The following PKHD1 variants were observed in gnomAD, a reference collection of about 807,000 sequenced individuals.
PKHD1 encodes the protein PKHD1 ciliary IPT domain containing fibrocystin/polyductin.
Under a neutral mutation model 412.0 loss-of-function variants are expected in PKHD1, and 291 were observed. The observed-to-expected ratio is 0.71, with a 90% CI of 0.64 to 0.78. The LOEUF (loss-of-function observed/expected upper bound fraction) is 0.78. PKHD1 is among the 30% of genes least tolerant of loss of function. The probability of loss-of-function intolerance (pLI) is 0.00; values close to 1 mark genes in which losing one functional copy is unlikely to be tolerated. For synonymous variants in PKHD1, 1,777 were observed against 1,821.5 expected, an observed-to-expected ratio of 0.98 and a Z score of 0.62; for missense variants, 4,825 against 4,950.7, an observed-to-expected ratio of 0.97 and a Z score of 0.76.
intron 53 of PKHD1, among the ~76,000 whole-genome samples, chr6:51,780,067 T>C (rs1057154800): frequency 1.3e-5 from 2 of 152,094 alleles, no homozygotes; most frequent in Admixed American, 6.6e-5. Context: ...TAAAGATCTT[T>C]CCAATTATCA....
At chr6:51,983,876 GA>G (rs1274055942) in intron 35 of PKHD1, among the ~76,000 whole-genome samples, 1 of 152,244 alleles carries the variant, frequency 6.6e-6, no homozygotes, top group Non-Finnish European at 1.5e-5. Context: ...CAGCTTTCAA[GA>G]GAAAGTGTTT....
At chr6:51,790,699 A>G (rs897541631) in intron 53 of PKHD1, among the ~76,000 whole-genome samples, 1 of 152,104 alleles carries the variant, frequency 6.6e-6, no homozygotes, top group Non-Finnish European at 1.5e-5. Flanking sequence ...GCTACCTTGT[A>G]TTTGCTTTCC....
chr6:51,664,878 T>G (rs965592492), intron 60 of PKHD1, among the ~76,000 whole-genome samples: 6 of 152,156 alleles, frequency 3.9e-5, no homozygotes, highest in Non-Finnish European at 5.9e-5. Flanking sequence ...CATATCTGGT[T>G]GGAGATTTAC....
chr6:51,907,954 G>A (rs1049135355), intron 40 of PKHD1, among the ~76,000 whole-genome samples: 1 of 152,106 alleles, frequency 6.6e-6, no homozygotes, highest in Admixed American at 6.6e-5. Flanking sequence ...TTGAAACAGA[G>A]GTGGGAGAGA....
intron 61 of PKHD1, among the ~76,000 whole-genome samples, chr6:51,650,605 G>C (rs931279052): frequency 1.3e-5 from 2 of 152,106 alleles, no homozygotes; most frequent in Admixed American, 6.6e-5. Context: ...GTGAAGATTT[G>C]TTCTGAAAGA....
At chr6:51,741,262 G>T in intron 60 of PKHD1, 1 of 510,056 alleles carries the variant, frequency 2.0e-6, no homozygotes, top group Non-Finnish European at 3.9e-6. Context: ...TATTTGTAAG[G>T]GATGCTTTTG....
intron 43 of PKHD1, among the ~76,000 whole-genome samples, chr6:51,899,380 G>C (rs1364727966): frequency 6.6e-4 from 101 of 152,096 alleles, no homozygotes; most frequent in African/African-American, 2.2e-3. Context: ...ATCAATAAAT[G>C]TAATCCAGCA....
chr6:51,757,514 T>C (rs1787215513), intron 55 of PKHD1, among the ~76,000 whole-genome samples: 1 of 152,094 alleles, frequency 6.6e-6, no homozygotes, highest in South Asian at 2.1e-4. Flanking sequence ...CTGACACAAG[T>C]CACTACGGTC....
intron 60 of PKHD1, chr6:51,682,244 C>A: frequency 2.2e-6 from 1 of 455,068 alleles, no homozygotes. Flanking sequence ...CCCAGGAGAC[C>A]TAGGATGAAA....
chr6:52,034,176 G>C, intron 28 of PKHD1, among the ~76,000 whole-genome samples: 1 of 64,400 alleles, frequency 1.6e-5, no homozygotes. Context: ...AGGAACTCTA[G>C]GGGAAAAAAA....
chr6:51,756,340 C>A (rs1254713869), intron 55 of PKHD1, among the ~76,000 whole-genome samples: 1 of 152,122 alleles, frequency 6.6e-6, no homozygotes, highest in Non-Finnish European at 1.5e-5. Flanking sequence ...TAGATAAATA[C>A]ATGGAGCCAG....
intron 35 of PKHD1, among the ~76,000 whole-genome samples, chr6:52,006,353 T>G (rs28660206): frequency 5.7e-4 from 80 of 139,412 alleles, no homozygotes; most frequent in East Asian, 1.0e-3. Flanking sequence ...TGGTTTGTTT[T>G]TTGTTGTTGT....
intron 43 of PKHD1, among the ~76,000 whole-genome samples, chr6:51,891,067 T>G (rs1779032790): frequency 6.6e-6 from 1 of 152,188 alleles, no homozygotes; most frequent in South Asian, 2.1e-4. Context: ...TTCACACAGC[T>G]CAGGGAGTTT....
intron 37 of PKHD1, among the ~76,000 whole-genome samples, chr6:51,926,801 T>G (rs558735803): frequency 2.0e-5 from 3 of 152,284 alleles, no homozygotes; most frequent in Non-Finnish European, 2.9e-5. Flanking sequence ...TAGACTTTTT[T>G]GAAGTATTGT....
intron 61 of PKHD1, among the ~76,000 whole-genome samples, chr6:51,653,081 A>G (rs1771218258): frequency 6.6e-6 from 1 of 152,180 alleles, no homozygotes; most frequent in Non-Finnish European, 1.5e-5. Flanking sequence ...ATATTTCTAT[A>G]TAGTTAACAA....
intron 60 of PKHD1, among the ~76,000 whole-genome samples, chr6:51,740,234 C>A (rs903451545): frequency 6.6e-6 from 1 of 152,164 alleles, no homozygotes; most frequent in Admixed American, 6.5e-5. Context: ...GGCTACACAT[C>A]CTGCATTACA....
At chr6:51,793,121 C>T (rs533939281) in intron 52 of PKHD1, among the ~76,000 whole-genome samples, 2 of 152,268 alleles carry the variant, frequency 1.3e-5, no homozygotes, top group African/African-American at 4.8e-5. Context: ...AATTCAAGAG[C>T]TCATTGATGA....
rs1468137283 is a variant in PKHD1, at chr6:51,721,717, T to C, written c.10156+22668A>G. On this transcript the variant is annotated intron_variant, in intron 60 of 66. Transcript: ENST00000371117. ...GATATCCTGACTACGGACAATGGTG[T>C]CACTGTTGACACCCTCTCCACAGTC... 7 of 1,334,902 alleles carry C rather than the reference T, an allele frequency of 5.2e-6. No individual in the cohort carries two copies. The African/African-American group carries it at 1.0e-4, about 20-fold the overall frequency. 82.7% of individuals were successfully genotyped at this position (1,334,902 alleles called of 1,614,324 possible). A position where few individuals can be genotyped will look rare whatever the true frequency, so the allele number is the denominator to read the frequency against.
intron 60 of PKHD1, among the ~76,000 whole-genome samples, chr6:51,706,549 A>G (rs1780043155): frequency 1.3e-5 from 2 of 151,792 alleles, no homozygotes; most frequent in South Asian, 4.2e-4. Context: ...GGAGCAGCAG[A>G]AGGAGGAGGA....
Sources: allele counts gnomAD v4.1 joint callset (sites outside exome capture counted in the v4.1 genomes callset), GRCh38; gene constraint gnomAD v4.1.1; transcripts MANE v1.5; gene names NCBI Gene and HGNC (gene_info 2026-07-23, HGNC 2026-07-21).